RGL1: variants seen among roughly 807,000 people sequenced by gnomAD.
RGL1 encodes ral guanine nucleotide dissociation stimulator like 1.
Under a neutral mutation model 95.2 loss-of-function variants are expected in RGL1, and 24 were observed. The ratio of observed to expected loss-of-function variants is 0.25; its 90% CI spans 0.18 to 0.35. The LOEUF is 0.35. Ranked by LOEUF, RGL1 falls within the 10% of genes least tolerant of loss-of-function variation. RGL1 has a pLI of 1.00. For missense variants in RGL1, 715 were observed against 936.3 expected (o/e 0.76, Z 3.08); for synonymous variants, 329 against 344.9 (o/e 0.95, Z 0.51).
At chr1:183,808,863 A>T (rs1490482999) in intron 2 of RGL1, among the ~76,000 whole-genome samples, 3 of 151,940 alleles carry the variant, frequency 2.0e-5, no homozygotes, top group Admixed American at 6.6e-5. Context: ...TCAAATCCAG[A>T]TGGTTGGCTC....
chr1:183,834,523 T>C (rs1479952095), intron 2 of RGL1, among the ~76,000 whole-genome samples: 1 of 152,162 alleles, frequency 6.6e-6, no homozygotes, highest in Non-Finnish European at 1.5e-5. Context: ...GCATATGCAC[T>C]AGTACTAAGC....
At chr1:183,674,970 A>G (rs1652718737) in intron 1 of RGL1, among the ~76,000 whole-genome samples, 1 of 152,232 alleles carries the variant, frequency 6.6e-6, no homozygotes. Context: ...AGATTGTTGC[A>G]ATGTGTATAC....
At chr1:183,774,631 C>T (rs1659496052) in intron 2 of RGL1, among the ~76,000 whole-genome samples, 1 of 137,998 alleles carries the variant, frequency 7.2e-6, no homozygotes, top group South Asian at 2.3e-4. Flanking sequence ...GGCTGGAGTG[C>T]ACTGGCATGA....
intron 2 of RGL1, 78 bp from the exon 3 acceptor site, chr1:183,847,488 C>A: frequency 2.6e-6 from 3 of 1,146,518 alleles, no homozygotes; most frequent in Non-Finnish European, 3.9e-6. Flanking sequence ...CAGGCTATGG[C>A]CTTCAACTAT....
chr1:183,807,206 A>G (rs754893186), intron 2 of RGL1, among the ~76,000 whole-genome samples: 6 of 152,228 alleles, frequency 3.9e-5, no homozygotes, highest in Non-Finnish European at 5.9e-5. Context: ...CGACAGGATC[A>G]CTACTTGGGC....
chr1:183,653,926 A>C (rs1175084319), intron 1 of RGL1, among the ~76,000 whole-genome samples: 1 of 152,174 alleles, frequency 6.6e-6, no homozygotes, highest in Non-Finnish European at 1.5e-5. Context: ...GCACATTGAT[A>C]GTCACAATTC....
intron 1 of RGL1, among the ~76,000 whole-genome samples, chr1:183,674,569 T>A (rs1172243529): frequency 1.3e-5 from 2 of 152,190 alleles, no homozygotes; most frequent in African/African-American, 4.8e-5. Context: ...TTACCCCAGT[T>A]TGGACTTTTC....
At chr1:183,744,524 C>A (rs1055487621) in intron 2 of RGL1, among the ~76,000 whole-genome samples, 1 of 152,152 alleles carries the variant, frequency 6.6e-6, no homozygotes, top group South Asian at 2.1e-4. Context: ...TGATGCTTGT[C>A]TCACTCCAGT....
At chr1:183,738,236 A>G (rs1387230216) in intron 1 of RGL1, among the ~76,000 whole-genome samples, 1 of 152,192 alleles carries the variant, frequency 6.6e-6, no homozygotes, top group African/African-American at 2.4e-5. Context: ...CCTGGCCAAC[A>G]TGGCGAAACC....
intron 1 of RGL1, among the ~76,000 whole-genome samples, chr1:183,653,830 C>T (rs972834941): frequency 2.0e-5 from 3 of 152,204 alleles, no homozygotes; most frequent in Non-Finnish European, 4.4e-5. Flanking sequence ...GTAGCCCCTT[C>T]TCTGTGGCTA....
At chr1:183,899,128 A>G (rs545552858) in intron 10 of RGL1, among the ~76,000 whole-genome samples, 1 of 152,348 alleles carries the variant, frequency 6.6e-6, no homozygotes, top group South Asian at 2.1e-4. Flanking sequence ...GAATAAGTTT[A>G]GATTTACAGA....
chr1:183,866,237 A>G (rs1483808692), intron 4 of RGL1, among the ~76,000 whole-genome samples, 164 bp downstream of exon 4: 1 of 152,198 alleles, frequency 6.6e-6, no homozygotes, highest in Non-Finnish European at 1.5e-5. Flanking sequence ...TTATGTATCC[A>G]GTGAAAGTAT....
intron 2 of RGL1, among the ~76,000 whole-genome samples, chr1:183,772,995 G>A (rs913157499): frequency 1.7e-5 from 2 of 116,038 alleles, no homozygotes; most frequent in African/African-American, 6.4e-5. Flanking sequence ...CGGCCTGGGC[G>A]ACAGAGCAAG....
At chr1:183,880,228 G>A (rs1188733787) in intron 4 of RGL1, among the ~76,000 whole-genome samples, 1 of 152,174 alleles carries the variant, frequency 6.6e-6, no homozygotes, top group Non-Finnish European at 1.5e-5. Context: ...AACATATTAG[G>A]TGGCAGATTT....
chr1:183,713,533 G>T (rs539320436), intron 1 of RGL1, among the ~76,000 whole-genome samples: 2 of 152,248 alleles, frequency 1.3e-5, no homozygotes, highest in South Asian at 4.2e-4. Flanking sequence ...GCATTTGGGA[G>T]TGGGGCCTTT....
intron 1 of RGL1, among the ~76,000 whole-genome samples, chr1:183,715,365 TTGG>T (rs370439147): frequency 6.6e-6 from 1 of 152,072 alleles, no homozygotes; most frequent in African/African-American, 2.4e-5. Flanking sequence ...CACCTCATTG[TTGG>T]TGAACTGATT....
At chr1:183,876,694 C>T (rs1192564044) in intron 4 of RGL1, among the ~76,000 whole-genome samples, 1 of 152,220 alleles carries the variant, frequency 6.6e-6, no homozygotes, top group African/African-American at 2.4e-5. Flanking sequence ...GAGGATACCT[C>T]AAGGTATATG....
chr1:183,927,183 T>C lies in RGL1; in HGVS notation c.*891T>C, dbSNP rs531219301. The C allele has an allele frequency of 6.5e-6, 1 of 152,760 alleles. No individual in the cohort carries two copies. Among genetic ancestry groups the C allele is most frequent in the East Asian group, 1.9e-4 (1 of 5,194 alleles). The allele number at this position is 152,760 out of a possible 1,614,324, so 9.5% of individuals were successfully genotyped here. On this transcript the variant is annotated 3_prime_UTR_variant, in exon 18 of 18. Coordinates refer to ENST00000360851, the MANE Select transcript of RGL1 (RefSeq NM_001297671.3). Reference sequence around the variant, plus strand: ...CAAAAGAATGGTGACTCATTTGGACTCTTATCTGTCTTGGAATGTCACTGC... The same window carrying C: ...CAAAAGAATGGTGACTCATTTGGACCCTTATCTGTCTTGGAATGTCACTGC...
intron 6 of RGL1, among the ~76,000 whole-genome samples, chr1:183,884,209 C>A (rs746834984): frequency 6.6e-6 from 1 of 152,218 alleles, no homozygotes; most frequent in Non-Finnish European, 1.5e-5. Flanking sequence ...GTATTTTTCT[C>A]CCTTTACACT....
Sources: gnomAD v4.1 joint callset for allele counts (sites outside exome capture counted in the v4.1 genomes callset) on GRCh38, gnomAD v4.1.1 for gene constraint, MANE v1.5 for transcripts, NCBI Gene and HGNC (gene_info 2026-07-23, HGNC 2026-07-21) for gene names.